WDR72: variants seen among roughly 807,000 people sequenced by gnomAD.
The protein encoded by WDR72 is WD repeat-containing protein 72.
Under a neutral mutation model 124.2 loss-of-function variants are expected in WDR72, and 120 were observed. The observed-to-expected ratio is 0.97, with a 90% confidence interval of 0.83 to 1.12. WDR72 has a LOEUF of 1.12. Ranked by LOEUF, WDR72 falls within the 50% of genes most tolerant of loss-of-function variation. WDR72 has a pLI of 0.00. For missense variants in WDR72, 1,387 were observed against 1,278.8 expected (o/e 1.08, Z -1.29); for synonymous variants, 452 against 441.7 (o/e 1.02, Z -0.29).
At chr15:53,737,337 T>C (rs1417323786) in intron 1 of WDR72, among the ~76,000 whole-genome samples, 1 of 152,084 alleles carries the variant, frequency 6.6e-6, no homozygotes, top group Admixed American at 6.6e-5. Flanking sequence ...TAAATAATGT[T>C]AGCAACAGAA....
intron 5 of WDR72, 82 bp downstream of exon 5, chr15:53,715,111 T>A (rs1001381614): frequency 2.7e-6 from 4 of 1,467,594 alleles, no homozygotes; most frequent in Admixed American, 3.6e-5. Context: ...TCTGAATTTC[T>A]GCCCAATAAT....
intron 3 of WDR72, among the ~76,000 whole-genome samples, chr15:53,717,658 C>T (rs987001979): frequency 6.6e-6 from 1 of 152,094 alleles, no homozygotes; most frequent in Admixed American, 6.6e-5. Flanking sequence ...ACTAGGAACA[C>T]ACTAGTGGCA....
chr15:53,695,582 A>G (rs1413301218), intron 13 of WDR72, among the ~76,000 whole-genome samples: 1 of 152,138 alleles, frequency 6.6e-6, no homozygotes, highest in Non-Finnish European at 1.5e-5. Context: ...GCAAAACTAG[A>G]TGCCCTCATC....
Position 53,648,876 on chromosome 15 carries a change from C to A in WDR72, c.1962+16696G>T, listed in dbSNP as rs761856880. On this transcript the variant is annotated intron_variant, in intron 14 of 19. Coordinates refer to ENST00000360509, the MANE Select transcript of WDR72 (RefSeq NM_182758.4). ...TGACAAGATCAAGCTTGTAGACTAC[C>A]TTAAAAAAGTAAGAAGCAGAAGAAA... Among the ~76,000 whole-genome samples, 29 of 151,968 alleles carry A rather than the reference C, an allele frequency of 1.9e-4. 1 individual carries two copies. Among genetic ancestry groups the A allele is most frequent in the Non-Finnish European group, 3.5e-4 (24 of 67,990 alleles).
At chr15:53,719,245 T>G (rs553683899) in intron 3 of WDR72, among the ~76,000 whole-genome samples, 1 of 152,286 alleles carries the variant, frequency 6.6e-6, no homozygotes, top group East Asian at 1.9e-4. Flanking sequence ...TTCAAACTCT[T>G]TTCCCTTGTC....
rs1302449228 is a variant in WDR72 at position 53,536,410 on chromosome 15, A to C, written c.3149-13088T>G. ...ATGTAGTTAGAAAAAGTGGAAGAGA[A>C]CTTCAACTTATTTTTTTTACTTTCA... is the stretch of plus-strand genomic sequence containing the variant. On this transcript the variant is annotated intron_variant, in intron 18 of 19. Transcript: ENST00000360509. 2.0e-5 allele frequency among the ~76,000 whole-genome samples: 3 copies of C among 152,232 alleles called. No homozygotes were observed. In the East Asian group the frequency reaches 5.8e-4, roughly 29 times the overall value.
At chr15:53,726,202 GTATATATATATGTATGTGTA>G (rs2018022803) in intron 2 of WDR72, among the ~76,000 whole-genome samples, 1 of 139,434 alleles carries the variant, frequency 7.2e-6, no homozygotes, top group African/African-American at 2.9e-5. Flanking sequence ...ATGTGTGTGT[GTATATATATATGTATGTGTA>G]TATATATATA....
At chr15:53,632,755 A>C (rs1263343307) in intron 14 of WDR72, among the ~76,000 whole-genome samples, 1 of 152,238 alleles carries the variant, frequency 6.6e-6, no homozygotes, top group Non-Finnish European at 1.5e-5. Flanking sequence ...AAAGGAGATT[A>C]TTTTGGAGCT....
chr15:53,741,752 A>G (rs1483786760), intron 1 of WDR72, among the ~76,000 whole-genome samples: 2 of 150,092 alleles, frequency 1.3e-5, no homozygotes, highest in Non-Finnish European at 3.0e-5. Flanking sequence ...TTTTTGGATT[A>G]AGAGTCTTGC....
intron 16 of WDR72, 145 bp from the exon 17 acceptor site, chr15:53,609,737 T>C: frequency 1.4e-6 from 1 of 721,512 alleles, no homozygotes; most frequent in Non-Finnish European, 2.4e-6. Flanking sequence ...GAGATTTTTA[T>C]TTTACAGATC....
chr15:53,620,900 T>C (rs2013964546), intron 14 of WDR72, among the ~76,000 whole-genome samples: 1 of 152,012 alleles, frequency 6.6e-6, no homozygotes, highest in African/African-American at 2.4e-5. Flanking sequence ...AATCTATATG[T>C]CTAACAAAGG....
Position 53,750,441 on chromosome 15 carries a change from G to A in WDR72, c.-13+9192C>T, listed in dbSNP as rs186649453. ...CAATACTGTTCATTGACAATGCACCGAGTCAACCAAGAGCTCTGAGATGCA... is the reference window on the plus strand; with the variant it reads ...CAATACTGTTCATTGACAATGCACCAAGTCAACCAAGAGCTCTGAGATGCA... On this transcript the variant is annotated intron_variant, in intron 1 of 19. Transcript: ENST00000360509. 2.9e-3 allele frequency among the ~76,000 whole-genome samples: 434 copies of A among 152,230 alleles called. 2 individuals are homozygous for A. Among genetic ancestry groups the A allele is most frequent in the Non-Finnish European group, 4.1e-3 (281 of 68,000 alleles).
chr15:53,604,022 G>T (rs2013163637), intron 17 of WDR72, among the ~76,000 whole-genome samples: 1 of 151,970 alleles, frequency 6.6e-6, no homozygotes, highest in South Asian at 2.1e-4. Context: ...TGAATGGCCA[G>T]GGCAATCCTA....
In WDR72 at chr15:53,532,869, G is replaced by A. The variant is rs184155887; in HGVS notation, c.3149-9547C>T. On this transcript the variant is annotated intron_variant, in intron 18 of 19. Coordinates refer to ENST00000360509, the MANE Select transcript of WDR72 (RefSeq NM_182758.4). ...TTCATCATTATACATGTATACGTACGTCAAAATATCACATGTAACCCAAAA... is the reference window on the plus strand; with the variant it reads ...TTCATCATTATACATGTATACGTACATCAAAATATCACATGTAACCCAAAA... Among the ~76,000 whole-genome samples, 251 of 152,086 alleles carry A rather than the reference G, an allele frequency of 1.7e-3. 1 individual carries two copies. Among genetic ancestry groups the A allele is most frequent in the Non-Finnish European group, 1.5e-3 (105 of 67,956 alleles).
intron 8 of WDR72, 139 bp downstream of exon 8, chr15:53,711,197 C>G: frequency 8.0e-7 from 1 of 1,247,986 alleles, no homozygotes. Flanking sequence ...CTACCAAGCC[C>G]AGAGTAAATC....
intron 14 of WDR72, among the ~76,000 whole-genome samples, chr15:53,642,287 G>T (rs1195719667): frequency 6.6e-6 from 1 of 151,994 alleles, no homozygotes; most frequent in Non-Finnish European, 1.5e-5. Context: ...AAAATAGTAT[G>T]TATCAGAAGC....
intron 9 of WDR72, among the ~76,000 whole-genome samples, chr15:53,710,227 C>A (rs889220296): frequency 3.3e-5 from 5 of 152,038 alleles, no homozygotes; most frequent in Non-Finnish European, 7.4e-5. Context: ...AGAAACAGAA[C>A]ATAAAACATT....
At chr15:53,736,392 A>G (rs2140623691) in intron 1 of WDR72, among the ~76,000 whole-genome samples, 1 of 152,258 alleles carries the variant, frequency 6.6e-6, no homozygotes, top group African/African-American at 2.4e-5. Context: ...AGTAATGTAT[A>G]CAGGGCTGTC....
rs1390434526 is a variant in WDR72 at position 53,516,287 on chromosome 15, T to C, written c.*1412A>G. 1.3e-5 allele frequency: 2 copies of C among 152,156 alleles called. No homozygotes were observed. Among genetic ancestry groups the C allele is most frequent in the African/African-American group, 2.4e-5 (1 of 41,458 alleles). The allele number at this position is 152,156 out of a possible 1,614,324, so 9.4% of individuals were successfully genotyped here. A position where few individuals can be genotyped will look rare whatever the true frequency, so the allele number is the denominator to read the frequency against. ...GAGTCACACTCATTTGACATCTTTATCCTGGTATGTTTATTCAGATCATCA... is the reference window on the plus strand; with the variant it reads ...GAGTCACACTCATTTGACATCTTTACCCTGGTATGTTTATTCAGATCATCA... On this transcript the variant is annotated 3_prime_UTR_variant, in exon 20 of 20. Transcript: ENST00000360509.
Sources: allele counts gnomAD v4.1 joint callset (sites outside exome capture counted in the v4.1 genomes callset), GRCh38; gene constraint gnomAD v4.1.1; transcripts MANE v1.5; gene names NCBI Gene and HGNC (gene_info 2026-07-23, HGNC 2026-07-21).